C1QTNF7: variants seen among roughly 807,000 people sequenced by gnomAD.
C1QTNF7 encodes C1q and TNF related 7, also known as complement C1q tumor necrosis factor-related protein 7.
In C1QTNF7, 15 loss-of-function variants were observed where a neutral mutation model predicts 19.6. The observed-to-expected ratio is 0.76, with a 90% confidence interval of 0.51 to 1.18. C1QTNF7 has a LOEUF of 1.18. Ranked by LOEUF, C1QTNF7 falls within the 50% of genes most tolerant of loss-of-function variation. The probability of loss-of-function intolerance (pLI) is 0.00; values close to 1 mark genes in which losing one functional copy is unlikely to be tolerated. For synonymous variants in C1QTNF7, 142 were observed against 137.5 expected (o/e 1.03, Z -0.23); for missense variants, 324 against 359.7 (o/e 0.90, Z 0.80).
chr4:15,355,050 G>A (rs1261480197), intron 1 of C1QTNF7, among the ~76,000 whole-genome samples: 1 of 152,114 alleles, frequency 6.6e-6, no homozygotes, highest in African/African-American at 2.4e-5. Context: ...CTGTGCCAGG[G>A]AACTAGGATT....
intron 1 of C1QTNF7, among the ~76,000 whole-genome samples, chr4:15,395,099 A>T (rs1718736601): frequency 6.6e-6 from 1 of 152,204 alleles, no homozygotes. Flanking sequence ...CAGGGGGCAG[A>T]AGGGAGAGAA....
chr4:15,378,040 C>T (rs572157815), intron 1 of C1QTNF7, among the ~76,000 whole-genome samples: 1 of 152,288 alleles, frequency 6.6e-6, no homozygotes, highest in East Asian at 1.9e-4. Context: ...ACCACAGAAT[C>T]ATAAACCAGA....
chr4:15,440,259 A>G (rs1057197791), intron 2 of C1QTNF7, among the ~76,000 whole-genome samples: 1 of 152,184 alleles, frequency 6.6e-6, no homozygotes, highest in East Asian at 1.9e-4. Flanking sequence ...GGACTTACCT[A>G]AAATGATACA....
At chr4:15,352,084 C>G (rs1024027116) in intron 1 of C1QTNF7, among the ~76,000 whole-genome samples, 6 of 152,086 alleles carry the variant, frequency 3.9e-5, no homozygotes, top group Non-Finnish European at 7.4e-5. Flanking sequence ...TTTGCCTCTA[C>G]CCAGTAGATT....
At chr4:15,389,563 G>A (rs1398523388) in intron 1 of C1QTNF7, among the ~76,000 whole-genome samples, 8 of 152,132 alleles carry the variant, frequency 5.3e-5, no homozygotes, top group Non-Finnish European at 2.9e-5. Context: ...GGGATTACAG[G>A]TGCACACCAC....
chr4:15,401,261 C>T (rs916773284), intron 1 of C1QTNF7, among the ~76,000 whole-genome samples: 1 of 152,054 alleles, frequency 6.6e-6, no homozygotes, highest in East Asian at 1.9e-4. Context: ...GAATGAGGAG[C>T]GTGTGGGGAG....
intron 1 of C1QTNF7, among the ~76,000 whole-genome samples, chr4:15,347,408 A>G (rs1373674754): frequency 1.3e-5 from 2 of 152,196 alleles, no homozygotes; most frequent in Admixed American, 6.5e-5. Context: ...TAAATGCTTG[A>G]AGACTCATCA....
intron 1 of C1QTNF7, among the ~76,000 whole-genome samples, chr4:15,410,637 T>C (rs1196423795): frequency 6.6e-6 from 1 of 152,208 alleles, no homozygotes; most frequent in Non-Finnish European, 1.5e-5. Context: ...ACATTTTTAT[T>C]GAATTCATAA....
At chr4:15,352,989 T>C (rs749188286) in intron 1 of C1QTNF7, among the ~76,000 whole-genome samples, 38 of 152,206 alleles carry the variant, frequency 2.5e-4, no homozygotes, top group Admixed American at 7.2e-4. Flanking sequence ...ATTTCTGGAA[T>C]ATTAGCTTAG....
chr4:15,440,264 G>C (rs1274784995), intron 2 of C1QTNF7, among the ~76,000 whole-genome samples: 1 of 152,070 alleles, frequency 6.6e-6, no homozygotes, highest in Non-Finnish European at 1.5e-5. Context: ...TACCTAAAAT[G>C]ATACAACCGT....
chr4:15,402,894 CTG>C (rs562100650), intron 1 of C1QTNF7, among the ~76,000 whole-genome samples: 86 of 151,976 alleles, frequency 5.7e-4, no homozygotes, highest in Non-Finnish European at 2.6e-4. Context: ...CTGGCTAAAC[CTG>C]TGCCTCAGAG....
intron 1 of C1QTNF7, among the ~76,000 whole-genome samples, chr4:15,415,197 C>G (rs554238818): frequency 2.0e-5 from 3 of 152,226 alleles, no homozygotes; most frequent in Admixed American, 1.3e-4. Flanking sequence ...GGAGAGAATT[C>G]AGATCATTAA....
chr4:15,371,789 G>A (rs916294485), intron 1 of C1QTNF7, among the ~76,000 whole-genome samples: 2 of 152,140 alleles, frequency 1.3e-5, no homozygotes, highest in Admixed American at 1.3e-4. Flanking sequence ...GAGGGATGCA[G>A]GAAGAGAACA....
intron 1 of C1QTNF7, among the ~76,000 whole-genome samples, chr4:15,386,190 C>T (rs776636970): frequency 5.3e-5 from 8 of 152,136 alleles, no homozygotes; most frequent in Non-Finnish European, 1.0e-4. Context: ...AGTTTGTGGC[C>T]AAAGCTCCAG....
chr4:15,420,826 CTTTT>C (rs61609914), intron 1 of C1QTNF7, among the ~76,000 whole-genome samples: 37 of 66,240 alleles, frequency 5.6e-4, no homozygotes, highest in African/African-American at 2.2e-3. Context: ...ACTGCTTTGT[CTTTT>C]TTTTTTTTTT....
At chr4:15,363,492 G>A (rs1717412943) in intron 1 of C1QTNF7, among the ~76,000 whole-genome samples, 2 of 152,060 alleles carry the variant, frequency 1.3e-5, no homozygotes, top group Non-Finnish European at 2.9e-5. Flanking sequence ...AAACTACACA[G>A]AACAAAATCT....
intron 1 of C1QTNF7, among the ~76,000 whole-genome samples, chr4:15,400,295 C>A (rs1030140231): frequency 6.6e-6 from 1 of 152,222 alleles, no homozygotes; most frequent in Non-Finnish European, 1.5e-5. Context: ...AAGGCAGCAG[C>A]TCCCACGGCT....
At position 15,443,884 on chromosome 4, in the gene C1QTNF7, A is replaced by G. The variant is rs1712887696; in HGVS notation, c.*1085A>G. On this transcript the variant is annotated 3_prime_UTR_variant, in exon 3 of 3. Coordinates refer to ENST00000444304, the MANE Select transcript of C1QTNF7 (RefSeq NM_031911.5). ...TCTGCTAGGTATTTATTTCAAATAA[A>G]GCAAGGCATATGTTCACTGATTTAC... 6.6e-6 allele frequency: 1 copy of G among 152,262 alleles called. No homozygotes were observed. Among genetic ancestry groups the G allele is most frequent in the Non-Finnish European group, 1.5e-5 (1 of 68,050 alleles). 9.4% of individuals were successfully genotyped at this position (152,262 alleles called of 1,614,324 possible). A position where few individuals can be genotyped will look rare whatever the true frequency, so the allele number is the denominator to read the frequency against.
chr4:15,340,952 A>G (rs1022471005), intron 1 of C1QTNF7, among the ~76,000 whole-genome samples: 1 of 152,208 alleles, frequency 6.6e-6, no homozygotes, highest in Admixed American at 6.5e-5. Context: ...CTTGAGAAGT[A>G]TCTTGTGCAT....
Sources: gnomAD v4.1 joint callset for allele counts (sites outside exome capture counted in the v4.1 genomes callset) on GRCh38, gnomAD v4.1.1 for gene constraint, MANE v1.5 for transcripts, NCBI Gene and HGNC (gene_info 2026-07-23, HGNC 2026-07-21) for gene names.